Variants in DOP1B observed in about 807,000 individuals in gnomAD.
The protein encoded by DOP1B is protein DOP1B.
DOP1B carries 174 observed loss-of-function variants against 233.5 expected under a neutral mutation model. That is an observed-to-expected ratio of 0.75 (90% CI 0.66 to 0.85). DOP1B has a LOEUF of 0.85. DOP1B is among the 40% of genes least tolerant of loss of function. DOP1B has a pLI of 0.00. For missense variants in DOP1B, 2,652 were observed against 2,846.6 expected (o/e 0.93, Z 1.56); for synonymous variants, 1,190 against 1,185.6 (o/e 1.00, Z -0.08).
rs757919845 is a variant in DOP1B, at chr21:36,232,872, T to C, written c.2419T>C (p.Cys807Arg). 3.7e-6 allele frequency: 6 copies of C among 1,613,810 alleles called. No individual in the cohort carries two copies. The highest frequency in any genetic ancestry group is 1.3e-5 in the African/African-American group (1 of 74,876). The change falls in exon 15 of 37, where the codon TGC (cysteine) becomes CGC (arginine). Residue 807 changes from cysteine to arginine, a missense_variant. Coordinates refer to ENST00000691173, the MANE Select transcript of DOP1B (RefSeq NM_001320714.2). ...LMTICCCVTD[C>R]YLQNVAISTL... ...GACTATTTGCTGCTGTGTGACTGAC[T>C]GCTACCTCCAGAACGTGGCCATTTC... is the stretch of plus-strand genomic sequence containing the variant.
At position 36,196,682 on chromosome 21, in the gene DOP1B, G is replaced by C. The variant is rs143478621; in HGVS notation, c.139-2388G>C. 2.6e-3 allele frequency among the ~76,000 whole-genome samples: 391 copies of C among 152,290 alleles called. 3 individuals carry two copies. Among genetic ancestry groups the C allele is most frequent in the Middle Eastern group, 6.8e-3 (2 of 294 alleles). ...CCAGCATTTTGGGAGGCTGAGGCAG[G>C]AGGATTGCGTGAGCCCAGGAGTCTG... On this transcript the variant is annotated intron_variant, in intron 2 of 36. Coordinates refer to ENST00000691173, the MANE Select transcript of DOP1B (RefSeq NM_001320714.2).
chr21:36,226,664 GCTCACTGTAGC>G (rs2066686496), intron 12 of DOP1B, among the ~76,000 whole-genome samples: 2 of 152,146 alleles, frequency 1.3e-5, no homozygotes, highest in South Asian at 4.1e-4. Context: ...CATGATCTCA[GCTCACTGTAGC>G]CTCATCCTCC....
At chr21:36,255,470 A>G (rs2067084538) in intron 23 of DOP1B, among the ~76,000 whole-genome samples, 1 of 150,290 alleles carries the variant, frequency 6.7e-6, no homozygotes, top group Non-Finnish European at 1.5e-5. Flanking sequence ...TTTTTAAGAC[A>G]GGATCTCACT....
At chr21:36,211,394 G>A (rs539470920) in intron 5 of DOP1B, among the ~76,000 whole-genome samples, 159 bp from the exon 6 acceptor site, 2 of 152,146 alleles carry the variant, frequency 1.3e-5, no homozygotes, top group South Asian at 4.1e-4. Context: ...GCAGCCTGTG[G>A]CCTCGAGAGC....
intron 33 of DOP1B, among the ~76,000 whole-genome samples, chr21:36,288,461 G>A (rs374347835): frequency 2.0e-5 from 3 of 152,154 alleles, no homozygotes; most frequent in Admixed American, 6.6e-5. Context: ...GGGAGGCTAA[G>A]GTGGATGGAT....
At chr21:36,270,495 G>A (rs995361502) in intron 27 of DOP1B, among the ~76,000 whole-genome samples, 3 of 138,376 alleles carry the variant, frequency 2.2e-5, no homozygotes, top group Admixed American at 7.8e-5. Context: ...GGAGGTTGCA[G>A]TGAGCCGAGA....
At chr21:36,188,940 TAAATTGTGGTAAAATACATATAAAC>T (rs952232493) in intron 2 of DOP1B, among the ~76,000 whole-genome samples, 1 of 152,234 alleles carries the variant, frequency 6.6e-6, no homozygotes, top group Admixed American at 6.5e-5. Context: ...TAAAGCATTT[TAAATTGTGGTAAAATACATATAAAC>T]AAATTGTGGT....
rs764700225 is a variant in DOP1B, at chr21:36,228,187, G to A, written c.1665+310G>A. 8.5e-5 allele frequency among the ~76,000 whole-genome samples: 13 copies of A among 152,078 alleles called. 1 individual carries two copies. The highest frequency in any genetic ancestry group is 1.8e-4 in the Non-Finnish European group (12 of 68,038). On this transcript the variant is annotated intron_variant, in intron 13 of 36. Coordinates refer to ENST00000691173, the MANE Select transcript of DOP1B (RefSeq NM_001320714.2). ...CTCTACAAAATAAAAATTAGGCCAAGTACAGTGGCCCACACCTGTAATCCC... is the reference window on the plus strand; with the variant it reads ...CTCTACAAAATAAAAATTAGGCCAAATACAGTGGCCCACACCTGTAATCCC...
At chr21:36,215,336 T>C (rs79998324) in intron 9 of DOP1B, among the ~76,000 whole-genome samples, 3,980 of 152,226 alleles carry the variant, frequency 0.026, 126 homozygotes, top group African/African-American at 0.084. Context: ...TTAGATACTA[T>C]GGTCCTATGA....
At chr21:36,266,179 T>A (rs1027502148) in intron 26 of DOP1B, among the ~76,000 whole-genome samples, 1 of 152,180 alleles carries the variant, frequency 6.6e-6, no homozygotes, top group Non-Finnish European at 1.5e-5. Flanking sequence ...ATTTTATTTA[T>A]TTATTTATTT....
intron 2 of DOP1B, among the ~76,000 whole-genome samples, chr21:36,191,734 C>T (rs996155015): frequency 4.0e-5 from 6 of 150,396 alleles, no homozygotes; most frequent in African/African-American, 7.4e-5. Context: ...TGCAGTGAGC[C>T]GAGATCACAC....
chr21:36,172,385 C>T (rs1458584713), intron 2 of DOP1B, among the ~76,000 whole-genome samples: 2 of 152,194 alleles, frequency 1.3e-5, no homozygotes, highest in Non-Finnish European at 2.9e-5. Context: ...GGGAGCACAT[C>T]TTGATCAGCA....
At chr21:36,238,816 C>A in intron 17 of DOP1B, 115 bp downstream of exon 17, 3 of 1,000,262 alleles carry the variant, frequency 3.0e-6, no homozygotes, top group Non-Finnish European at 4.6e-6. Context: ...AACATGAACC[C>A]ATATGACCGG....
chr21:36,182,700 G>A (rs576678282), intron 2 of DOP1B, among the ~76,000 whole-genome samples: 4 of 152,268 alleles, frequency 2.6e-5, no homozygotes, highest in African/African-American at 7.2e-5. Flanking sequence ...GTGACGGTGT[G>A]TACCTGTGGT....
At chr21:36,283,936 CT>C (rs547999186) in intron 32 of DOP1B, among the ~76,000 whole-genome samples, 1,663 of 100,994 alleles carry the variant, frequency 0.016, 9 homozygotes, top group African/African-American at 0.041. Context: ...ACACCTGTTC[CT>C]TTTTTTTTTT....
chr21:36,237,236 C>A lies in DOP1B; in HGVS notation c.2623-26C>A, dbSNP rs1206690359. 3.7e-6 allele frequency: 6 copies of A among 1,614,074 alleles called. No individual in the cohort carries two copies. The South Asian group carries it at 6.6e-5, about 18-fold the overall frequency. On this transcript the variant is annotated intron_variant, in intron 15 of 36. Transcript: ENST00000691173. The stretch of plus-strand genomic sequence containing the variant: ...TGTTGCCTGTGTTGACCTGGTCCCC[C>A]ACCGCCTGCCTTTTCCTTGTCCCAG...
At chr21:36,248,244 C>A in intron 20 of DOP1B, 136 bp from the exon 21 acceptor site, 1 of 804,716 alleles carries the variant, frequency 1.2e-6, no homozygotes, top group Non-Finnish European at 1.9e-6. Flanking sequence ...TTATTGCTCC[C>A]AGACCACCAC....
intron 32 of DOP1B, 132 bp from the exon 33 acceptor site, chr21:36,287,882 G>T: frequency 8.6e-7 from 1 of 1,167,294 alleles, no homozygotes; most frequent in Non-Finnish European, 1.2e-6. Flanking sequence ...ACCAAGCCTG[G>T]CCTGTAACAC....
chr21:36,248,097 C>A (rs2066990220), intron 20 of DOP1B, among the ~76,000 whole-genome samples: 1 of 152,188 alleles, frequency 6.6e-6, no homozygotes, highest in Admixed American at 6.5e-5. Context: ...TTATTCTACC[C>A]TGTAGAATAC....
Sources: allele counts gnomAD v4.1 joint callset (sites outside exome capture counted in the v4.1 genomes callset), GRCh38; gene constraint gnomAD v4.1.1; transcripts MANE v1.5; gene names NCBI Gene and HGNC (gene_info 2026-07-23, HGNC 2026-07-21).